Variants in CXCR2 observed in about 807,000 individuals in gnomAD.
The protein encoded by CXCR2 is C-X-C chemokine receptor type 2.
Under a neutral mutation model 3.7 loss-of-function variants are expected in CXCR2, and 2 were observed. That is an observed-to-expected ratio of 0.55 (90% confidence interval 0.22 to 1.72). The LOEUF (loss-of-function observed/expected upper bound fraction) is 1.72, where lower values mean the gene tolerates loss of function less well. Ranked by LOEUF, CXCR2 falls within the 40% of genes most tolerant of loss-of-function variation. The probability of loss-of-function intolerance (pLI) is 0.19; values close to 1 mark genes in which losing one functional copy is unlikely to be tolerated. For synonymous variants in CXCR2, 203 were observed against 193.3 expected (o/e 1.05, Z -0.41); for missense variants, 351 against 450.1 (o/e 0.78, Z 1.99).
At chr2:218,129,909 G>A (rs1462860297) in intron 2 of CXCR2, among the ~76,000 whole-genome samples, 1 of 152,014 alleles carries the variant, frequency 6.6e-6, no homozygotes, top group African/African-American at 2.4e-5. Context: ...AGTCACTAAG[G>A]GGCTGGCATT....
At chr2:218,131,930 G>A (rs538097311) in intron 2 of CXCR2, among the ~76,000 whole-genome samples, 1 of 152,040 alleles carries the variant, frequency 6.6e-6, no homozygotes, top group African/African-American at 2.4e-5. Context: ...ACTCTTGGGG[G>A]AAAAGTGGCA....
In CXCR2 at chr2:218,135,908, C is replaced by T. The variant is rs200811589; in HGVS notation, c.*24C>T. The T allele has an allele frequency of 2.7e-5, 43 of 1,576,404 alleles. No homozygotes were observed. Among genetic ancestry groups the T allele is most frequent in the South Asian group, 2.2e-4 (19 of 85,080 alleles). On this transcript the variant is annotated 3_prime_UTR_variant, in exon 3 of 3. Coordinates refer to ENST00000318507, the MANE Select transcript of CXCR2 (RefSeq NM_001557.4). The surrounding 1 kb of genome is among the most constrained non-coding windows in gnomAD (Gnocchi z 4.0). The stretch of plus-strand genomic sequence containing the variant: ...AAGACCTCCTGCCTAAGTGCAGCCC[C>T]GTGGGGTTCCTCCCTTCTCTTCACA...
At chr2:218,128,360 T>C (rs149417772) in intron 1 of CXCR2, among the ~76,000 whole-genome samples, 1 of 152,286 alleles carries the variant, frequency 6.6e-6, no homozygotes, top group East Asian at 1.9e-4. Context: ...AGGCAGGCAA[T>C]TTAAGTGCGT....
chr2:218,134,707 C>A, intron 2 of CXCR2, 70 bp from the exon 3 acceptor site: 1 of 1,391,220 alleles, frequency 7.2e-7, no homozygotes, highest in South Asian at 1.4e-5. Flanking sequence ...AATCCTATCC[C>A]AGTTTCTTGA....
chr2:218,132,606 T>G (rs552559181), intron 2 of CXCR2, among the ~76,000 whole-genome samples: 7 of 152,224 alleles, frequency 4.6e-5, no homozygotes, highest in Non-Finnish European at 1.0e-4. Context: ...GCTACAAACC[T>G]ACTCAGCATG....
At chr2:218,131,912 A>T (rs867824482) in intron 2 of CXCR2, among the ~76,000 whole-genome samples, 1 of 151,954 alleles carries the variant, frequency 6.6e-6, no homozygotes, top group African/African-American at 2.4e-5. Context: ...ATGGCTAAGA[A>T]TTCCATCACT....
chr2:218,127,290 C>T (rs1305759188), intron 1 of CXCR2, among the ~76,000 whole-genome samples: 1 of 152,072 alleles, frequency 6.6e-6, no homozygotes, highest in Non-Finnish European at 1.5e-5. Flanking sequence ...CCACGCCTGG[C>T]TAATTTTTGC....
chr2:218,126,833 T>TTTGC (rs1273283569), intron 1 of CXCR2, among the ~76,000 whole-genome samples: 2 of 151,266 alleles, frequency 1.3e-5, no homozygotes, highest in East Asian at 3.9e-4. Flanking sequence ...GTTTTGTTTG[T>TTTGC]TTGTTTGTTT....
In CXCR2 at chr2:218,131,594, C is replaced by T. The variant is rs370600162; in HGVS notation, c.-26+2229C>T. Among the ~76,000 whole-genome samples, 478 of 151,882 alleles carry T rather than the reference C, an allele frequency of 3.1e-3. 2 individuals are homozygous for T. Among genetic ancestry groups the T allele is most frequent in the Non-Finnish European group, 5.5e-3 (374 of 67,940 alleles). On this transcript the variant is annotated intron_variant, in intron 2 of 2. Coordinates refer to ENST00000318507, the MANE Select transcript of CXCR2 (RefSeq NM_001557.4). ...ACACCGTTCTCCTGCCTCAGCCTCCCGAGTAGCTGGGACCACAGGCGCCCG... is the reference window on the plus strand; with the variant it reads ...ACACCGTTCTCCTGCCTCAGCCTCCTGAGTAGCTGGGACCACAGGCGCCCG...
chr2:218,125,570 C>T (rs1323362407), upstream of CXCR2: 2 of 107,358 alleles, frequency 1.9e-5, no homozygotes, highest in South Asian at 3.1e-4. Flanking sequence ...GGAAAGAAAG[C>T]AATTTGTTTT....
rs764732879 is a variant in CXCR2 at position 218,135,465 on chromosome 2, G to C, written c.664G>C (p.Val222Leu). ...CCTGCCCCAGTCCTTTGGCTTCATCGTGCCACTGCTGATCATGCTGTTCTG... is the reference window on the plus strand; with the variant it reads ...CCTGCCCCAGTCCTTTGGCTTCATCCTGCCACTGCTGATCATGCTGTTCTG... ...RILPQSFGFI[V>L]PLLIMLFCYG... Residue 222 changes from valine (V) to leucine (L), a missense_variant, in exon 3 of 3, where the codon GTG becomes CTG. Val to Leu is a conservative substitution (Grantham distance 32, BLOSUM62 1). Transcript: ENST00000318507. This position sits in a 1 kb window ranked among gnomAD's most constrained non-coding sequence, Gnocchi z 4.0. 4.3e-6 allele frequency: 7 copies of C among 1,614,138 alleles called. No homozygotes were observed. The Admixed American group carries it at 1.2e-4, about 27-fold the overall frequency.
rs183812193 is a variant in CXCR2 at position 218,134,936 on chromosome 2, A to T, written c.135A>T (p.Glu45Asp). The change falls in exon 3 of 3, where the codon GAA becomes GAT. Residue 45 changes from glutamate to aspartate, a missense_variant. By Grantham distance (45) the Glu-to-Asp change is conservative. Transcript: ENST00000318507. ...CCCCATGTGAACCAGAATCCCTGGA[A>T]ATCAACAAGTATTTTGTGGTCATTA... ...DAAPCEPESL[E>D]INKYFVVIIY... 13 of 1,614,198 alleles carry T rather than the reference A, an allele frequency of 8.1e-6. No individual in the cohort carries two copies. In the East Asian group the frequency reaches 2.9e-4, roughly 36 times the overall value.
chr2:218,133,314 TTTTGA>T, intron 2 of CXCR2, among the ~76,000 whole-genome samples: 1 of 138,030 alleles, frequency 7.2e-6, no homozygotes, highest in Non-Finnish European at 1.5e-5. Context: ...TTTTTTTTTT[TTTTGA>T]GGCAGAGTCT....
At chr2:218,129,531 C>A (rs1459727461) in intron 2 of CXCR2, among the ~76,000 whole-genome samples, 166 bp downstream of exon 2, 1 of 152,246 alleles carries the variant, frequency 6.6e-6, no homozygotes, top group Non-Finnish European at 1.5e-5. Flanking sequence ...CTCTCCATCC[C>A]CAAAGGAAGA....
At position 218,135,630 on chromosome 2, in the gene CXCR2, A is replaced by G; in HGVS notation, c.829A>G (p.Met277Val). 2.5e-6 allele frequency: 4 copies of G among 1,613,812 alleles called. No homozygotes were observed. The highest frequency in any genetic ancestry group is 3.4e-6 in the Non-Finnish European group (4 of 1,179,956). The change falls in exon 3 of 3, where the codon ATG becomes GTG. Residue 277 changes from methionine to valine, a missense_variant. Met to Val is a conservative substitution (Grantham distance 21). Transcript: ENST00000318507. The surrounding 1 kb of genome is among the most constrained non-coding windows in gnomAD (Gnocchi z 4.0). ...CCTGGTCCTGCTGGCAGACACCCTC[A>G]TGAGGACCCAGGTGATCCAGGAGAC... ...YNLVLLADTL[M>V]RTQVIQETCE...
In CXCR2 at chr2:218,136,735, A is replaced by G. The variant is rs1367442186; in HGVS notation, c.*851A>G. The G allele has an allele frequency of 6.0e-6, 1 of 167,122 alleles. No individual in the cohort carries two copies. Among genetic ancestry groups the G allele is most frequent in the Non-Finnish European group, 1.5e-5 (1 of 68,128 alleles). The allele number at this position is 167,122 out of a possible 1,614,324, so 10.4% of individuals were successfully genotyped here. A position where few individuals can be genotyped will look rare whatever the true frequency, so the allele number is the denominator to read the frequency against. ...GCTAAGCAAAATGTGATATGTACCT[A>G]ACGAAGTATCCTTCAGCCTGAAAGA... On this transcript the variant is annotated 3_prime_UTR_variant, in exon 3 of 3. Coordinates refer to ENST00000318507, the MANE Select transcript of CXCR2 (RefSeq NM_001557.4).
chr2:218,127,718 T>C (rs1690542712), intron 1 of CXCR2, among the ~76,000 whole-genome samples: 1 of 152,222 alleles, frequency 6.6e-6, no homozygotes, highest in Non-Finnish European at 1.5e-5. Flanking sequence ...ACTCTAGGTA[T>C]GTTGCTTAAC....
In CXCR2 at chr2:218,135,155, G is replaced by A; in HGVS notation, c.354G>A (p.Leu118=). 1.2e-6 allele frequency: 2 copies of A among 1,614,198 alleles called. No homozygotes were observed. Among genetic ancestry groups the A allele is most frequent in the South Asian group, 1.1e-5 (1 of 91,082 alleles). The change falls in exon 3 of 3, where the codon CTG becomes CTA. Residue 118 remains leucine (L), a synonymous_variant. Transcript: ENST00000318507. This position sits in a 1 kb window ranked among gnomAD's most constrained non-coding sequence, Gnocchi z 4.0. ...KVNGWIFGTF[L]CKVVSLLKEV... The stretch of plus-strand genomic sequence containing the variant: ...ATGGCTGGATTTTTGGCACATTCCT[G>A]TGCAAGGTGGTCTCACTCCTGAAGG...
rs1485003686 is a variant in CXCR2 at position 218,135,205 on chromosome 2, T to G, written c.404T>G (p.Leu135Arg). ...GAAGTCAACTTCTATAGTGGCATCC[T>G]GCTACTGGCCTGCATCAGTGTGGAC... ...LKEVNFYSGI[L>R]LLACISVDRY... is the part of the protein sequence containing the mutation. The change falls in exon 3 of 3, where the codon CTG becomes CGG. Residue 135 changes from leucine (L) to arginine (R), a missense_variant. By Grantham distance (102) the Leu-to-Arg change is moderately radical (BLOSUM62 -2). Coordinates refer to ENST00000318507, the MANE Select transcript of CXCR2 (RefSeq NM_001557.4). This position sits in a 1 kb window ranked among gnomAD's most constrained non-coding sequence, Gnocchi z 4.0. 1 of 1,614,250 alleles carries G rather than the reference T, an allele frequency of 6.2e-7. No individual in the cohort carries two copies. Among genetic ancestry groups the G allele is most frequent in the Admixed American group, 1.7e-5 (1 of 60,038 alleles).
Sources: gnomAD v4.1 joint callset for allele counts (sites outside exome capture counted in the v4.1 genomes callset) on GRCh38, gnomAD v4.1.1 for gene constraint, Gnocchi (gnomAD v3.1) non-coding constraint, MANE v1.5 for transcripts, NCBI Gene and HGNC (gene_info 2026-07-23, HGNC 2026-07-21) for gene names.